Variants in CPEB3 observed in about 807,000 individuals in gnomAD.
CPEB3 encodes the protein cytoplasmic polyadenylation element-binding protein 3.
CPEB3 carries 20 observed loss-of-function variants against 67.2 expected under a neutral mutation model. The observed-to-expected ratio is 0.30, with a 90% CI of 0.21 to 0.43. The LOEUF is 0.43. Among genes scored for constraint, CPEB3 ranks in the 20% least tolerant of loss-of-function variants. The probability of loss-of-function intolerance (pLI) is 1.00; values close to 1 mark genes in which losing one functional copy is unlikely to be tolerated. For synonymous variants in CPEB3, 376 were observed against 393.1 expected, an observed-to-expected ratio of 0.96 and a Z score of 0.51; for missense variants, 746 against 968.6, an observed-to-expected ratio of 0.77 and a Z score of 3.05.
intron 1 of CPEB3, among the ~76,000 whole-genome samples, chr10:92,249,957 G>A (rs1852224217): frequency 6.6e-6 from 1 of 150,586 alleles, no homozygotes; most frequent in Non-Finnish European, 1.5e-5. Context: ...GGGAGTCGGA[G>A]GTTGCAGTGA....
chr10:92,075,114 G>A (rs1042592759), intron 9 of CPEB3, among the ~76,000 whole-genome samples: 2 of 152,152 alleles, frequency 1.3e-5, no homozygotes, highest in African/African-American at 4.8e-5. Context: ...TAGTCCTCCC[G>A]TGGCTGGACA....
chr10:92,172,748 T>G (rs2134029133), intron 4 of CPEB3, among the ~76,000 whole-genome samples: 1 of 152,340 alleles, frequency 6.6e-6, no homozygotes, highest in Admixed American at 6.5e-5. Context: ...TGGCCATGTT[T>G]TGTCTGGATA....
intron 2 of CPEB3, among the ~76,000 whole-genome samples, chr10:92,237,779 GA>G (rs573353759): frequency 3.0e-4 from 46 of 152,226 alleles, no homozygotes; most frequent in Non-Finnish European, 6.0e-4. Flanking sequence ...ATAAATTCCA[GA>G]AAGCAAATTC....
At chr10:92,143,246 C>T (rs553837725) in intron 5 of CPEB3, 128 bp from the exon 6 acceptor site, 13 of 598,504 alleles carry the variant, frequency 2.2e-5, no homozygotes, top group Admixed American at 9.5e-5. Context: ...AGCATCTTTA[C>T]GGAAGTGAAA....
intron 4 of CPEB3, among the ~76,000 whole-genome samples, chr10:92,176,051 A>C (rs1421839662): frequency 6.6e-6 from 1 of 152,132 alleles, no homozygotes; most frequent in Non-Finnish European, 1.5e-5. Context: ...AGATTACACC[A>C]CTGTACTCCA....
chr10:92,268,394 G>A (rs1002146962), intron 1 of CPEB3, among the ~76,000 whole-genome samples: 1 of 152,116 alleles, frequency 6.6e-6, no homozygotes, highest in South Asian at 2.1e-4. Context: ...TTGGGAGGCC[G>A]GGGCAGGAAG....
intron 4 of CPEB3, among the ~76,000 whole-genome samples, chr10:92,149,289 C>G (rs1846845358): frequency 6.6e-6 from 1 of 152,234 alleles, no homozygotes. Context: ...AGAATGACTT[C>G]TCTAAGATAC....
chr10:92,148,122 C>T (rs1372848922), intron 4 of CPEB3, among the ~76,000 whole-genome samples: 2 of 152,144 alleles, frequency 1.3e-5, no homozygotes, highest in Non-Finnish European at 2.9e-5. Flanking sequence ...TGTAAGCACA[C>T]TCCTCACCCC....
chr10:92,268,356 T>C (rs982629014), intron 1 of CPEB3, among the ~76,000 whole-genome samples: 1 of 152,162 alleles, frequency 6.6e-6, no homozygotes, highest in African/African-American at 2.4e-5. Flanking sequence ...GTCTGGGTGA[T>C]GTGGCTCACA....
intron 4 of CPEB3, among the ~76,000 whole-genome samples, chr10:92,161,935 A>G (rs1423454250): frequency 6.6e-6 from 1 of 152,232 alleles, no homozygotes; most frequent in Non-Finnish European, 1.5e-5. Flanking sequence ...TGCTGGGATT[A>G]CAGGCATGAG....
chr10:92,273,307 A>C (rs11186889), intron 1 of CPEB3, among the ~76,000 whole-genome samples: 1,982 of 152,272 alleles, frequency 0.013, 47 homozygotes, highest in African/African-American at 0.046. Context: ...ACTACTGATA[A>C]TAAGTTTATT....
rs1157179000 is a variant in CPEB3, at chr10:92,048,636, CAT to C, written c.*3574_*3575del. On this transcript the variant is annotated 3_prime_UTR_variant, in exon 10 of 10. Transcript: ENST00000265997. The surrounding 1 kb of genome is among the most constrained non-coding windows in gnomAD (Gnocchi z 4.1). ...AAGGAAAAGGCTTCTCAAAATCTCA[CAT>C]GTTCTGCTCATTCTGTCATTTTATT... 2 of 152,528 alleles carry C rather than the reference CAT, an allele frequency of 1.3e-5. No homozygotes were observed. Among genetic ancestry groups the C allele is most frequent in the Non-Finnish European group, 2.9e-5 (2 of 68,034 alleles). 9.4% of individuals were successfully genotyped at this position (152,528 alleles called of 1,614,324 possible).
chr10:92,264,583 G>A (rs930366059), intron 1 of CPEB3, among the ~76,000 whole-genome samples: 7 of 152,054 alleles, frequency 4.6e-5, no homozygotes, highest in Non-Finnish European at 1.0e-4. Flanking sequence ...TGGCATGGTG[G>A]CGCAAGCCTG....
intron 3 of CPEB3, among the ~76,000 whole-genome samples, chr10:92,186,715 G>T (rs984941516): frequency 6.6e-6 from 1 of 152,170 alleles, no homozygotes; most frequent in Non-Finnish European, 1.5e-5. Flanking sequence ...GATTATAGGC[G>T]TGAGCCACCA....
chr10:92,261,427 G>C (rs191231795), intron 1 of CPEB3, among the ~76,000 whole-genome samples: 1 of 151,992 alleles, frequency 6.6e-6, no homozygotes, highest in East Asian at 1.9e-4. Flanking sequence ...AAAGGAAGGG[G>C]TCCCTTTTTC....
intron 1 of CPEB3, among the ~76,000 whole-genome samples, chr10:92,289,782 T>TATGTATTATATATTATAA (rs1207776034): frequency 3.6e-5 from 5 of 139,060 alleles, no homozygotes; most frequent in African/African-American, 8.0e-5. Context: ...TAAATGTATA[T>TATGTATTATATATTATAA]ATGTATTATA....
At chr10:92,118,628 A>C (rs1845159924) in intron 6 of CPEB3, 1 of 532,824 alleles carries the variant, frequency 1.9e-6, no homozygotes, top group Non-Finnish European at 3.5e-6. Context: ...GATTAAAGAG[A>C]TGTAACAACT....
chr10:92,289,730 A>ATAT (rs1213696029), intron 1 of CPEB3, among the ~76,000 whole-genome samples: 179 of 114,230 alleles, frequency 1.6e-3, no homozygotes, highest in Non-Finnish European at 2.5e-3. Context: ...AAAAAAAAAA[A>ATAT]AAATATATAT....
chr10:92,251,809 T>C (rs575616118), intron 1 of CPEB3, among the ~76,000 whole-genome samples: 3 of 151,938 alleles, frequency 2.0e-5, no homozygotes, highest in Non-Finnish European at 4.4e-5. Flanking sequence ...GATGTGGTGA[T>C]GGGTGCCTGT....
Sources: allele counts gnomAD v4.1 joint callset (sites outside exome capture counted in the v4.1 genomes callset), GRCh38; gene constraint gnomAD v4.1.1; non-coding constraint Gnocchi (gnomAD v3.1); transcripts MANE v1.5; gene names NCBI Gene and HGNC (gene_info 2026-07-23, HGNC 2026-07-21).